The following SEPTIN3 variants were observed in gnomAD, a reference collection of about 807,000 sequenced individuals.
SEPTIN3 encodes the protein neuronal-specific septin-3.
A neutral mutation model predicts 45.1 loss-of-function variants in SEPTIN3; 15 were observed. That is an observed-to-expected ratio of 0.33 (90% CI 0.22 to 0.51). SEPTIN3 has a LOEUF of 0.51. Among genes scored for constraint, SEPTIN3 ranks in the 20% least tolerant of loss-of-function variants. The pLI is 0.97. For synonymous variants in SEPTIN3, 148 were observed against 164.8 expected, an observed-to-expected ratio of 0.90 and a Z score of 0.78; for missense variants, 289 against 457.2, an observed-to-expected ratio of 0.63 and a Z score of 3.35.
At chr22:41,981,441 C>A in intron 2 of SEPTIN3, 2 of 544,366 alleles carry the variant, frequency 3.7e-6, no homozygotes, top group South Asian at 5.6e-5. Flanking sequence ...CTCTGACCTG[C>A]TCTGTGTTCT....
intron 11 of SEPTIN3, chr22:41,995,628 A>G (rs1239649613): frequency 2.0e-6 from 2 of 985,246 alleles, no homozygotes; most frequent in African/African-American, 3.5e-5. Flanking sequence ...TGCCCAGTCT[A>G]CTTCCAGAAA....
intron 11 of SEPTIN3, chr22:41,996,685 C>T (rs2078445569): frequency 2.8e-6 from 4 of 1,419,734 alleles, no homozygotes; most frequent in Admixed American, 3.0e-5. Context: ...TTCAACAGAA[C>T]AGGGATCCTT....
At chr22:41,974,860 G>GAAAAAAAAAAA (rs55642127) in intron 2 of SEPTIN3, among the ~76,000 whole-genome samples, 1 of 74,290 alleles carries the variant, frequency 1.3e-5, no homozygotes, top group African/African-American at 5.1e-5. Flanking sequence ...GTCTCAAAAA[G>GAAAAAAAAAAA]AAAAAAAAAA....
intron 3 of SEPTIN3, among the ~76,000 whole-genome samples, chr22:41,983,701 C>T (rs190477932): frequency 6.6e-6 from 1 of 152,296 alleles, no homozygotes; most frequent in African/African-American, 2.4e-5. Context: ...ATCAACCTTC[C>T]GGTTTCAGCT....
In SEPTIN3 at chr22:41,989,591, C is replaced by A; in HGVS notation, c.2070C>A (p.Phe690Leu). The A allele has an allele frequency of 6.2e-7, 1 of 1,613,854 alleles. No individual in the cohort carries two copies. Among genetic ancestry groups the A allele is most frequent in the South Asian group, 1.1e-5 (1 of 91,054 alleles). ...GHSLRPLDLE[F>L]MKHLSKVVNI... ...GCTTGCGACCTCTGGATCTTGAGTT[C>A]ATGAAACACCTCAGCAAGGTTGTGA... The change falls in exon 7 of 12, where the codon TTC becomes TTA. Residue 690 changes from phenylalanine (F) to leucine (L), a missense_variant. Around this residue, in one of 3 missense-constraint regions of SEPTIN3, gnomAD observed 200 missense variants for 315.1 expected, o/e 0.63. Coordinates refer to ENST00000644076, the MANE Select transcript of SEPTIN3 (RefSeq NM_001363845.2).
At chr22:41,990,472 G>T (rs147761812) in intron 7 of SEPTIN3, among the ~76,000 whole-genome samples, 2 of 151,784 alleles carry the variant, frequency 1.3e-5, no homozygotes, top group African/African-American at 2.4e-5. Flanking sequence ...CCAGTTGGGC[G>T]TGGTGGCTCA....
At position 41,987,731 on chromosome 22, in the gene SEPTIN3, C is replaced by T; in HGVS notation, c.2017C>T (p.Leu673Phe). ...CCCTGACACTCGTGTCCACTGCTGC[C>T]TTTACTTCATCTCTCCCACAGGACA... ...RIPDTRVHCC[L>F]YFISPTGHSL... Residue 673 changes from leucine to phenylalanine, a missense_variant, in exon 6 of 12, where the codon CTT becomes TTT. Physicochemically the swap from Leu to Phe is conservative, Grantham distance 22 (BLOSUM62 0). Coordinates refer to ENST00000644076, the MANE Select transcript of SEPTIN3 (RefSeq NM_001363845.2). The T allele has an allele frequency of 6.2e-7, 1 of 1,613,962 alleles. No homozygotes were observed. Among genetic ancestry groups the T allele is most frequent in the Non-Finnish European group, 8.5e-7 (1 of 1,179,858 alleles).
Position 41,992,067 on chromosome 22 carries a change from C to T in SEPTIN3, c.2259+399C>T, listed in dbSNP as rs114634649. On this transcript the variant is annotated intron_variant, in intron 8 of 11. Coordinates refer to ENST00000644076, the MANE Select transcript of SEPTIN3 (RefSeq NM_001363845.2). Reference sequence around the variant, plus strand: ...TTAGACTGAGTGGCTTATAGGCTTCCCCCGCTAGAATAACTTAAAAAAATT... The same window carrying T: ...TTAGACTGAGTGGCTTATAGGCTTCTCCCGCTAGAATAACTTAAAAAAATT... Among the ~76,000 whole-genome samples, 429 of 152,080 alleles carry T rather than the reference C, an allele frequency of 2.8e-3. 1 individual carries two copies. Among genetic ancestry groups the T allele is most frequent in the African/African-American group, 0.01 (418 of 41,498 alleles).
At chr22:41,995,758 AAC>A in intron 11 of SEPTIN3, 3 of 979,110 alleles carry the variant, frequency 3.1e-6, no homozygotes, top group Non-Finnish European at 3.6e-6. Context: ...CAAGCACCTG[AAC>A]AGGCCCTGAG....
At chr22:41,978,083 G>A (rs2078059230) in intron 2 of SEPTIN3, among the ~76,000 whole-genome samples, 1 of 152,188 alleles carries the variant, frequency 6.6e-6, no homozygotes, top group African/African-American at 2.4e-5. Context: ...CACCCTTGGG[G>A]AGCCCCCCTC....
In SEPTIN3 at chr22:41,987,770, A is replaced by ACC; in HGVS notation, c.2045+13_2045+14dup. The ACC allele has an allele frequency of 6.2e-7, 1 of 1,603,594 alleles. No homozygotes were observed. Among genetic ancestry groups the ACC allele is most frequent in the Non-Finnish European group, 8.5e-7 (1 of 1,171,400 alleles). ...TCCCACAGGACACTCGTATGTACCAACCCTACCCCTATTGTCAGGCCTGGT... is the reference window on the plus strand; with the variant it reads ...TCCCACAGGACACTCGTATGTACCAACCCCCTACCCCTATTGTCAGGCCTGGT... On this transcript the variant is annotated intron_variant, in intron 6 of 11. Transcript: ENST00000644076.
Position 41,976,255 on chromosome 22 carries a change from A to G in SEPTIN3, c.1504+3259A>G, listed in dbSNP as rs1362518128. 1 of 152,202 alleles carries G rather than the reference A, an allele frequency of 6.6e-6. No individual in the cohort carries two copies. Among genetic ancestry groups the G allele is most frequent in the Non-Finnish European group, 1.5e-5 (1 of 68,168 alleles). 9.4% of individuals were successfully genotyped at this position (152,202 alleles called of 1,614,324 possible). ...CCCGGCCCCTGCATTAGGACATTCC[A>G]TCTTCCTGTCTCCTCCACTAGACCC... On this transcript the variant is annotated intron_variant, in intron 2 of 11. Coordinates refer to ENST00000644076, the MANE Select transcript of SEPTIN3 (RefSeq NM_001363845.2). This position sits in a 1 kb window ranked among gnomAD's most constrained non-coding sequence, Gnocchi z 5.8.
At chr22:41,970,397 CCTAGCT>C (rs1374975416) in intron 1 of SEPTIN3, among the ~76,000 whole-genome samples, 3 of 152,138 alleles carry the variant, frequency 2.0e-5, no homozygotes, top group African/African-American at 7.2e-5. Flanking sequence ...CAGCCCCAGC[CCTAGCT>C]CTGCCCCTTG....
chr22:41,989,647 C>T lies in SEPTIN3; in HGVS notation c.2126C>T (p.Thr709Ile). ...ATCCCTGTCATTGCTAAGGCTGACA[C>T]CATGACCCTGGAGGAGAAGTCTGAA... ...NIIPVIAKAD[T>I]MTLEEKSEFK... Residue 709 changes from threonine (T) to isoleucine (I), a missense_variant, in exon 7 of 12, where the codon ACC (threonine) becomes ATC (isoleucine). This residue lies in a region of SEPTIN3 where 200 missense variants were observed against 315.1 expected (regional missense o/e 0.63). Coordinates refer to ENST00000644076, the MANE Select transcript of SEPTIN3 (RefSeq NM_001363845.2). 1.9e-6 allele frequency: 3 copies of T among 1,613,594 alleles called. No individual in the cohort carries two copies. The highest frequency in any genetic ancestry group is 2.5e-6 in the Non-Finnish European group (3 of 1,179,548).
chr22:41,972,618 A>G lies in SEPTIN3; in HGVS notation c.1126A>G (p.Thr376Ala). The change falls in exon 2 of 12, where the codon ACA becomes GCA. Residue 376 changes from threonine to alanine, a missense_variant. Thr to Ala is a moderately conservative substitution (Grantham distance 58). Transcript: ENST00000644076. ...TRSTAKPDMTTEGIAMDSATS... is the reference protein window; with the variant it reads ...TRSTAKPDMTAEGIAMDSATS... Reference sequence around the variant, plus strand: ...AAGCACAGCCAAACCAGATATGACCACAGAGGGTATAGCCATGGATTCAGC... The same window carrying G: ...AAGCACAGCCAAACCAGATATGACCGCAGAGGGTATAGCCATGGATTCAGC... The G allele has an allele frequency of 2.5e-6, 1 of 399,182 alleles. No individual in the cohort carries two copies. Among genetic ancestry groups the G allele is most frequent in the Non-Finnish European group, 4.4e-6 (1 of 226,140 alleles). 24.7% of individuals were successfully genotyped at this position (399,182 alleles called of 1,614,324 possible).
At chr22:41,971,251 G>A (rs909790739) in intron 1 of SEPTIN3, among the ~76,000 whole-genome samples, 21 of 152,100 alleles carry the variant, frequency 1.4e-4, no homozygotes, top group African/African-American at 4.8e-5. Context: ...GTGGCTGGCC[G>A]GGGTGGGGTA....
In SEPTIN3 at chr22:41,996,908, G is replaced by A. The variant is rs778093179; in HGVS notation, c.2512G>A (p.Gly838Ser). The A allele has an allele frequency of 1.9e-6, 3 of 1,614,014 alleles. No individual in the cohort carries two copies. In the South Asian group the frequency reaches 3.3e-5, roughly 18 times the overall value. Residue 838 changes from glycine to serine, a missense_variant, in exon 12 of 12, where the codon GGC becomes AGC. By Grantham distance (56) the Gly-to-Ser change is moderately conservative (BLOSUM62 0). This residue lies in a region of SEPTIN3 where 84 missense variants were observed against 114.7 expected (regional missense o/e 0.73). Transcript: ENST00000644076. ...NDNGGLPPGE[G>S]LLGTVLPPVP... is the part of the protein sequence containing the mutation. ...GTTCTCAACCCCCCTGCAGGGAGAA[G>A]GCCTCCTGGGCACTGTCCTTCCACC...
At chr22:41,973,150 T>C (rs2077976375) in intron 2 of SEPTIN3, among the ~76,000 whole-genome samples, 154 bp downstream of exon 2, 1 of 152,076 alleles carries the variant, frequency 6.6e-6, no homozygotes, top group Admixed American at 6.6e-5. Context: ...ATGGGGGTTG[T>C]AGGGCCAGAC....
intron 2 of SEPTIN3, among the ~76,000 whole-genome samples, chr22:41,973,853 T>C (rs2077986074): frequency 6.6e-6 from 1 of 151,832 alleles, no homozygotes; most frequent in African/African-American, 2.4e-5. Context: ...TGGTGGCACA[T>C]GCCTGTAGTC....
Sources: allele counts gnomAD v4.1 joint callset (sites outside exome capture counted in the v4.1 genomes callset), GRCh38; gene constraint gnomAD v4.1.1; regional missense constraint gnomAD v4.1.1; non-coding constraint Gnocchi (gnomAD v3.1); transcripts MANE v1.5; gene names NCBI Gene and HGNC (gene_info 2026-07-23, HGNC 2026-07-21).